TTC7B: variants seen among roughly 807,000 people sequenced by gnomAD.
TTC7B encodes the protein tetratricopeptide repeat protein 7B.
In TTC7B, 28 loss-of-function variants were observed where a neutral mutation model predicts 106.8. The observed-to-expected ratio is 0.26, with a 90% confidence interval of 0.19 to 0.36. The LOEUF is 0.36. Ranked by LOEUF, TTC7B falls within the 10% of genes least tolerant of loss-of-function variation. TTC7B has a pLI of 1.00. For missense variants in TTC7B, 862 were observed against 1,076.4 expected (o/e 0.80, Z 2.79); for synonymous variants, 405 against 430.6 (o/e 0.94, Z 0.74).
Position 90,791,659 on chromosome 14 carries a change from A to G in TTC7B, c.122-5331T>C, listed in dbSNP as rs541334612. Among the ~76,000 whole-genome samples the G allele has an allele frequency of 3.9e-5, 6 of 152,204 alleles. No individual in the cohort carries two copies. In the East Asian group the frequency reaches 1.2e-3, roughly 29 times the overall value. On this transcript the variant is annotated intron_variant, in intron 1 of 19. Coordinates refer to ENST00000328459, the MANE Select transcript of TTC7B (RefSeq NM_001010854.2). The stretch of plus-strand genomic sequence containing the variant: ...TCTGGGCTTGGCCTTTAGAGGGAAT[A>G]GGCTTGCCCGCCAGTCCCTGTTCAC...
chr14:90,690,520 A>T (rs1396598961), intron 6 of TTC7B, among the ~76,000 whole-genome samples: 1 of 152,220 alleles, frequency 6.6e-6, no homozygotes, highest in Non-Finnish European at 1.5e-5. Flanking sequence ...TGTGGTATGT[A>T]CTAAGAAGTG....
chr14:90,671,022 A>G (rs774214719), intron 9 of TTC7B, among the ~76,000 whole-genome samples: 1 of 152,184 alleles, frequency 6.6e-6, no homozygotes, highest in Admixed American at 6.5e-5. Flanking sequence ...ACCACCTAGC[A>G]TTAGCCAAAC....
chr14:90,643,679 T>A (rs1885294405), intron 15 of TTC7B, among the ~76,000 whole-genome samples: 1 of 151,878 alleles, frequency 6.6e-6, no homozygotes, highest in Admixed American at 6.6e-5. Flanking sequence ...GCCTCCCAGG[T>A]TCAAGCAATT....
intron 2 of TTC7B, among the ~76,000 whole-genome samples, chr14:90,783,602 T>G (rs1236076202): frequency 6.6e-6 from 1 of 152,206 alleles, no homozygotes; most frequent in African/African-American, 2.4e-5. Context: ...ACACAGCTTA[T>G]AAATCCAGAA....
At chr14:90,573,382 G>A (rs1468032080) in intron 19 of TTC7B, among the ~76,000 whole-genome samples, 3 of 114,564 alleles carry the variant, frequency 2.6e-5, no homozygotes, top group South Asian at 3.2e-4. Context: ...CTCAGCTCAC[G>A]GTCCCTCTCC....
rs1027486202 is a variant in TTC7B at position 90,807,535 on chromosome 14, C to T, written c.121+8640G>A. On this transcript the variant is annotated intron_variant, in intron 1 of 19. Coordinates refer to ENST00000328459, the MANE Select transcript of TTC7B (RefSeq NM_001010854.2). The surrounding 1 kb of genome is among the most constrained non-coding windows in gnomAD (Gnocchi z 4.1). ...GGGACCCTGCTGCCCAGAGGTTGAG[C>T]GACAATCCTGAACTGTAAGTTTCCC... is the stretch of plus-strand genomic sequence containing the variant. Among the ~76,000 whole-genome samples the T allele has an allele frequency of 1.3e-5, 2 of 152,156 alleles. No homozygotes were observed. The highest frequency in any genetic ancestry group is 4.8e-5 in the African/African-American group (2 of 41,426).
chr14:90,550,225 C>A (rs1215843382), intron 19 of TTC7B, among the ~76,000 whole-genome samples: 1 of 152,224 alleles, frequency 6.6e-6, no homozygotes, highest in Non-Finnish European at 1.5e-5. Context: ...AGACCACCAA[C>A]CACAGGCTGG....
intron 18 of TTC7B, among the ~76,000 whole-genome samples, chr14:90,591,525 T>C (rs1891957046): frequency 1.3e-5 from 2 of 152,218 alleles, no homozygotes; most frequent in African/African-American, 4.8e-5. Context: ...TCCTGGAATA[T>C]GTTGACTTTC....
chr14:90,611,950 T>G (rs1164489983), intron 16 of TTC7B, among the ~76,000 whole-genome samples: 2 of 152,186 alleles, frequency 1.3e-5, no homozygotes, highest in Non-Finnish European at 2.9e-5. Context: ...TCTGGGGGCT[T>G]TAAGAGTGAT....
chr14:90,652,706 T>G (rs887171564), intron 13 of TTC7B, 135 bp downstream of exon 13: 1 of 899,048 alleles, frequency 1.1e-6, no homozygotes. Context: ...GTGCTGTGTG[T>G]TCGGTGCTCA....
intron 17 of TTC7B, among the ~76,000 whole-genome samples, chr14:90,602,771 T>C (rs1033258510): frequency 2.6e-5 from 4 of 152,122 alleles, no homozygotes; most frequent in Non-Finnish European, 5.9e-5. Flanking sequence ...GGTAGATACA[T>C]TTTTAAGTTT....
At chr14:90,714,973 G>A (rs1169464268) in intron 5 of TTC7B, among the ~76,000 whole-genome samples, 1 of 151,884 alleles carries the variant, frequency 6.6e-6, no homozygotes, top group African/African-American at 2.4e-5. Context: ...AGTTTCTCTT[G>A]TAGCAGGGCC....
Position 90,621,414 on chromosome 14 carries a change from C to T in TTC7B, c.1752-3369G>A, listed in dbSNP as rs190454293. 5.3e-5 allele frequency among the ~76,000 whole-genome samples: 8 copies of T among 150,472 alleles called. No individual in the cohort carries two copies. The East Asian group carries it at 1.4e-3, about 26-fold the overall frequency. ...ACGATGGGCAGAGGCCACGTGGGTA[C>T]AGCCGGGATGATGGGCAGAAGCCAC... On this transcript the variant is annotated intron_variant, in intron 15 of 19. Coordinates refer to ENST00000328459, the MANE Select transcript of TTC7B (RefSeq NM_001010854.2).
chr14:90,606,237 CA>C (rs1368817430), intron 17 of TTC7B, among the ~76,000 whole-genome samples: 2 of 152,076 alleles, frequency 1.3e-5, no homozygotes, highest in Non-Finnish European at 2.9e-5. Flanking sequence ...AGCATTATGA[CA>C]AGGGGGTGCT....
intron 6 of TTC7B, among the ~76,000 whole-genome samples, chr14:90,693,419 G>C (rs1377650741): frequency 6.6e-6 from 1 of 152,080 alleles, no homozygotes; most frequent in African/African-American, 2.4e-5. Context: ...AAGTTTTATA[G>C]TCAATATAAT....
intron 5 of TTC7B, among the ~76,000 whole-genome samples, chr14:90,701,023 C>T (rs1205166341): frequency 2.6e-5 from 4 of 151,924 alleles, no homozygotes; most frequent in African/African-American, 7.3e-5. Flanking sequence ...TCCAATGACA[C>T]GCATTTGTGA....
At chr14:90,686,422 G>A (rs1460330532) in intron 7 of TTC7B, among the ~76,000 whole-genome samples, 1 of 152,168 alleles carries the variant, frequency 6.6e-6, no homozygotes, top group Non-Finnish European at 1.5e-5. Context: ...AATGAGACAA[G>A]GATATCCATG....
At position 90,595,952 on chromosome 14, in the gene TTC7B, G is replaced by A. The variant is rs529717975; in HGVS notation, c.1967-2326C>T. ...TCTCCTGCTTCCCTGCAGCACAAGC[G>A]TCACCTGGGGAACAGAGTTCCAGGA... On this transcript the variant is annotated intron_variant, in intron 17 of 19. Transcript: ENST00000328459. Among the ~76,000 whole-genome samples, 16 of 152,270 alleles carry A rather than the reference G, an allele frequency of 1.1e-4. No homozygotes were observed. In the South Asian group the frequency reaches 1.9e-3, roughly 18 times the overall value.
chr14:90,735,729 A>G (rs904439099), intron 4 of TTC7B, among the ~76,000 whole-genome samples: 1 of 152,030 alleles, frequency 6.6e-6, no homozygotes, highest in South Asian at 2.1e-4. Context: ...AAAACCTACT[A>G]AAGTCTATAG....
Sources: gnomAD v4.1 joint callset for allele counts (sites outside exome capture counted in the v4.1 genomes callset) on GRCh38, gnomAD v4.1.1 for gene constraint, Gnocchi (gnomAD v3.1) non-coding constraint, MANE v1.5 for transcripts, NCBI Gene and HGNC (gene_info 2026-07-23, HGNC 2026-07-21) for gene names.